The following SMAD1 variants were observed in gnomAD, a reference collection of about 807,000 sequenced individuals.
The protein encoded by SMAD1 is MAD, mothers against decapentaplegic homolog 1.
SMAD1 carries 6 observed loss-of-function variants against 41.6 expected under a neutral mutation model. The ratio of observed to expected loss-of-function variants is 0.14; its 90% CI spans 0.08 to 0.28. The LOEUF (loss-of-function observed/expected upper bound fraction) is 0.28. Among genes scored for constraint, SMAD1 ranks in the 10% least tolerant of loss-of-function variants. The pLI is 1.00. For synonymous variants in SMAD1, 206 were observed against 203.2 expected (o/e 1.01, Z -0.12); for missense variants, 379 against 582.6 (o/e 0.65, Z 3.60).
At chr4:145,546,266 A>G (rs919656420) in intron 4 of SMAD1, 2 of 169,696 alleles carry the variant, frequency 1.2e-5, no homozygotes, top group African/African-American at 4.8e-5. Flanking sequence ...ATTCATTTTT[A>G]TGCCAGTACC....
At position 145,546,784 on chromosome 4, in the gene SMAD1, C is replaced by G; in HGVS notation, c.857C>G (p.Ala286Gly). Residue 286 changes from alanine (A) to glycine (G), a missense_variant, in exon 5 of 7, where the codon GCG becomes GGG. Physicochemically the swap from Ala to Gly is moderately conservative, Grantham distance 60. Transcript: ENST00000302085. The part of the protein sequence containing the change: ...YYELNNRVGE[A>G]FHASSTSVLV... ...GAGCTCAACAATCGTGTGGGTGAAG[C>G]GTTCCATGCCTCCTCCACAAGTGTG... 1 of 1,614,064 alleles carries G rather than the reference C, an allele frequency of 6.2e-7. No individual in the cohort carries two copies. Among genetic ancestry groups the G allele is most frequent in the Non-Finnish European group, 8.5e-7 (1 of 1,179,934 alleles).
intron 1 of SMAD1, among the ~76,000 whole-genome samples, chr4:145,488,169 TAAC>T (rs943255916): frequency 6.6e-6 from 1 of 152,118 alleles, no homozygotes; most frequent in Non-Finnish European, 1.5e-5. Flanking sequence ...ATTGGTTTCT[TAAC>T]AAATATTTTT....
At chr4:145,552,656 C>CT (rs1732614289) in intron 5 of SMAD1, among the ~76,000 whole-genome samples, 2 of 152,130 alleles carry the variant, frequency 1.3e-5, no homozygotes, top group Admixed American at 1.3e-4. Context: ...GATCTTATAT[C>CT]TTACAGCTTT....
At chr4:145,504,260 A>G (rs1729640240) in intron 1 of SMAD1, among the ~76,000 whole-genome samples, 3 of 152,236 alleles carry the variant, frequency 2.0e-5, no homozygotes, top group Non-Finnish European at 2.9e-5. Context: ...TAACTGGGTT[A>G]AAGAAGCATT....
chr4:145,534,547 C>A (rs1019054743), intron 2 of SMAD1, among the ~76,000 whole-genome samples: 1 of 152,168 alleles, frequency 6.6e-6, no homozygotes, highest in African/African-American at 2.4e-5. Context: ...ATAATTAAAA[C>A]AGAGTGGTAC....
intron 1 of SMAD1, among the ~76,000 whole-genome samples, chr4:145,485,793 C>CT (rs148420197): frequency 0.018 from 2,710 of 152,182 alleles, 64 homozygotes; most frequent in East Asian, 0.05. Flanking sequence ...GTAGCTAACC[C>CT]TTTTTTCTGA....
At position 145,558,769 on chromosome 4, in the gene SMAD1, A is replaced by C. The variant is rs1732982890; in HGVS notation, c.*835A>C. Among the ~76,000 whole-genome samples, 1 of 152,174 alleles carries C rather than the reference A, an allele frequency of 6.6e-6. No homozygotes were observed. The highest frequency in any genetic ancestry group is 6.5e-5 in the Admixed American group (1 of 15,286). ...ATTCTTTTTTCTCATACTCTTCAAA[A>C]AGCAGTTCTGCAGCTGGTTAATTCA... On this transcript the variant is annotated 3_prime_UTR_variant, in exon 7 of 7. Transcript: ENST00000302085.
chr4:145,538,296 A>G (rs1434843730), intron 2 of SMAD1, among the ~76,000 whole-genome samples: 1 of 152,234 alleles, frequency 6.6e-6, no homozygotes, highest in Non-Finnish European at 1.5e-5. Context: ...TCAGATGACT[A>G]TTGAAAGGTA....
intron 1 of SMAD1, among the ~76,000 whole-genome samples, chr4:145,486,204 T>C (rs1728474659): frequency 6.6e-6 from 1 of 152,204 alleles, no homozygotes; most frequent in African/African-American, 2.4e-5. Context: ...AAAGGAAAAA[T>C]AATGCTCATC....
At chr4:145,481,250 A>G (rs963489293), upstream of SMAD1, 1 of 152,164 alleles carries the variant, frequency 6.6e-6, no homozygotes, top group African/African-American at 2.4e-5. Context: ...GTTGACACAA[A>G]ACGCATCTGT....
At chr4:145,495,568 A>G (rs535448158) in intron 1 of SMAD1, among the ~76,000 whole-genome samples, 2 of 152,166 alleles carry the variant, frequency 1.3e-5, no homozygotes, top group Non-Finnish European at 2.9e-5. Context: ...TATGTTTTCA[A>G]TAAAGGATCT....
rs561750596 is a variant in SMAD1 at position 145,537,647 on chromosome 4, T to C, written c.401-2157T>C. On this transcript the variant is annotated intron_variant, in intron 2 of 6. Transcript: ENST00000302085. ...TCAGATAAATTGTAGTTTATATATA[T>C]AACAAGATGCTACACACACACAGCA... Among the ~76,000 whole-genome samples the C allele has an allele frequency of 5.3e-5, 8 of 152,280 alleles. No individual in the cohort carries two copies. In the East Asian group the frequency reaches 1.5e-3, roughly 29 times the overall value.
rs188425070 is a variant in SMAD1, at chr4:145,500,716, T to G, written c.-176-13722T>G. Among the ~76,000 whole-genome samples, 388 of 152,328 alleles carry G rather than the reference T, an allele frequency of 2.5e-3. 3 individuals carry two copies. The highest frequency in any genetic ancestry group is 8.8e-3 in the African/African-American group (365 of 41,574). ...TGAATTGAATAACTGTAGTGGTTACTAGTTTTTCTCTTTTTGTATGAAGTT... is the reference window on the plus strand; with the variant it reads ...TGAATTGAATAACTGTAGTGGTTACGAGTTTTTCTCTTTTTGTATGAAGTT... On this transcript the variant is annotated intron_variant, in intron 1 of 6. Transcript: ENST00000302085.
chr4:145,533,460 A>G (rs992924007), intron 2 of SMAD1, among the ~76,000 whole-genome samples: 5 of 152,164 alleles, frequency 3.3e-5, no homozygotes, highest in African/African-American at 4.8e-5. Context: ...CTGAGGCAGG[A>G]GGATAGCTTG....
chr4:145,534,746 A>C (rs746593160), intron 2 of SMAD1, among the ~76,000 whole-genome samples: 1 of 152,244 alleles, frequency 6.6e-6, no homozygotes, highest in Non-Finnish European at 1.5e-5. Flanking sequence ...CTCATACCAC[A>C]AATAAAACTA....
chr4:145,557,534 C>T (rs1732908853), intron 6 of SMAD1, among the ~76,000 whole-genome samples: 3 of 152,038 alleles, frequency 2.0e-5, no homozygotes, highest in African/African-American at 7.2e-5. Context: ...ATTTTAAAAC[C>T]TTCATTCCTC....
At chr4:145,490,684 G>C (rs1728726642) in intron 1 of SMAD1, among the ~76,000 whole-genome samples, 1 of 152,158 alleles carries the variant, frequency 6.6e-6, no homozygotes, top group South Asian at 2.1e-4. Flanking sequence ...GAAGCAGTAA[G>C]CAATGAGAAT....
At chr4:145,498,323 A>G (rs1201799342) in intron 1 of SMAD1, among the ~76,000 whole-genome samples, 1 of 152,214 alleles carries the variant, frequency 6.6e-6, no homozygotes, top group African/African-American at 2.4e-5. Context: ...TCCATATCAT[A>G]TTAACCCAGA....
chr4:145,541,036 G>A (rs772046875), intron 3 of SMAD1, among the ~76,000 whole-genome samples: 1 of 152,090 alleles, frequency 6.6e-6, no homozygotes, highest in Non-Finnish European at 1.5e-5. Context: ...GTCCAAAGCT[G>A]TTTGGGATGA....
Sources: allele counts gnomAD v4.1 joint callset (sites outside exome capture counted in the v4.1 genomes callset), GRCh38; gene constraint gnomAD v4.1.1; transcripts MANE v1.5; gene names NCBI Gene and HGNC (gene_info 2026-07-23, HGNC 2026-07-21).